The following KYAT1 variants were observed in gnomAD, a reference collection of about 807,000 sequenced individuals.
KYAT1 encodes kynurenine aminotransferase 1.
Under a neutral mutation model 52.4 loss-of-function variants are expected in KYAT1, and 47 were observed. That is an observed-to-expected ratio of 0.90 (90% CI 0.71 to 1.14). KYAT1 has a LOEUF of 1.14. Among genes scored for constraint, KYAT1 ranks in the 50% most tolerant of loss-of-function variants. The pLI is 0.00. For missense variants in KYAT1, 480 were observed against 557.9 expected (o/e 0.86, Z 1.41); for synonymous variants, 212 against 209.6 (o/e 1.01, Z -0.10).
intron 1 of KYAT1, among the ~76,000 whole-genome samples, chr9:128,865,330 TATATATATATATATATATATATA>T (rs1564491454): frequency 0.011 from 27 of 2,462 alleles, 3 homozygotes; most frequent in African/African-American, 0.018. Flanking sequence ...TATATATATA[TATATATATATATATATATATATA>T]TATATATTTT....
At chr9:128,869,607 T>A (rs2094316263) in intron 1 of KYAT1, among the ~76,000 whole-genome samples, 1 of 152,030 alleles carries the variant, frequency 6.6e-6, no homozygotes, top group South Asian at 2.1e-4. Flanking sequence ...ACTTCGAAAA[T>A]TTTTATTGCA....
chr9:128,843,122 G>A (rs144409793), intron 2 of KYAT1, among the ~76,000 whole-genome samples: 4,283 of 152,188 alleles, frequency 0.028, 75 homozygotes, highest in Middle Eastern at 0.075. Flanking sequence ...AGCCGAGATC[G>A]CACCATTGCA....
At chr9:128,861,258 C>T (rs1835428828) in intron 1 of KYAT1, among the ~76,000 whole-genome samples, 1 of 152,148 alleles carries the variant, frequency 6.6e-6, no homozygotes, top group Non-Finnish European at 1.5e-5. Flanking sequence ...CTGGGAGGGA[C>T]CCAGTGGGAG....
chr9:128,835,215 G>T, intron 11 of KYAT1, 108 bp downstream of exon 11: 1 of 870,650 alleles, frequency 1.1e-6, no homozygotes, highest in Non-Finnish European at 2.0e-6. Flanking sequence ...CAAGGTTGAC[G>T]GCAGAGGCTG....
intron 1 of KYAT1, among the ~76,000 whole-genome samples, chr9:128,862,289 C>A (rs180946937): frequency 3.0e-4 from 45 of 152,324 alleles, no homozygotes; most frequent in Non-Finnish European, 5.6e-4. Context: ...ATGTGAGCCA[C>A]TGTACTTGGC....
chr9:128,841,377 C>T (rs1044955040), intron 3 of KYAT1, among the ~76,000 whole-genome samples: 1 of 152,126 alleles, frequency 6.6e-6, no homozygotes, highest in Admixed American at 6.6e-5. Context: ...GTGGCGGGCG[C>T]CTGTAATCCC....
chr9:128,875,245 TTTG>T (rs1367061863), intron 1 of KYAT1, among the ~76,000 whole-genome samples: 8 of 148,480 alleles, frequency 5.4e-5, no homozygotes, highest in Admixed American at 5.4e-4. Flanking sequence ...TTTGTTTTTT[TTTG>T]TTTTTTTTTT....
intron 1 of KYAT1, among the ~76,000 whole-genome samples, chr9:128,845,796 G>C (rs1022499151): frequency 1.6e-4 from 25 of 152,358 alleles, no homozygotes; most frequent in Non-Finnish European, 3.7e-4. Flanking sequence ...AGCGGAGAGG[G>C]AGGATAATGG....
intron 1 of KYAT1, among the ~76,000 whole-genome samples, chr9:128,857,905 A>G (rs1181738080): frequency 2.0e-5 from 3 of 152,174 alleles, no homozygotes; most frequent in Non-Finnish European, 4.4e-5. Context: ...AAGAAAACAT[A>G]GGAATAAATC....
At chr9:128,873,251 C>A (rs1267732337) in intron 1 of KYAT1, among the ~76,000 whole-genome samples, 1 of 151,518 alleles carries the variant, frequency 6.6e-6, no homozygotes, top group Non-Finnish European at 1.5e-5. Flanking sequence ...TGCCTGTAGT[C>A]CCAGGACTTT....
chr9:128,847,511 T>C (rs2119202123), intron 1 of KYAT1: 1 of 1,535,898 alleles, frequency 6.5e-7, no homozygotes, highest in African/African-American at 1.4e-5. Context: ...CAGAGATGGC[T>C]GCTGCAGTCC....
intron 1 of KYAT1, among the ~76,000 whole-genome samples, chr9:128,850,769 A>C (rs535616411): frequency 6.6e-6 from 1 of 152,252 alleles, no homozygotes; most frequent in Admixed American, 6.5e-5. Flanking sequence ...TGAATGTCTC[A>C]GTATAAAACC....
At chr9:128,876,670 C>T (rs1180871212) in intron 1 of KYAT1, among the ~76,000 whole-genome samples, 5 of 150,938 alleles carry the variant, frequency 3.3e-5, no homozygotes, top group East Asian at 1.9e-4. Flanking sequence ...CCGCCTGCCT[C>T]GGCCTCCCAA....
chr9:128,836,940 G>A lies in KYAT1; in HGVS notation c.568-18C>T. On this transcript the variant is annotated intron_variant, in intron 6 of 12. Transcript: ENST00000302586. ...GAGAACACCTGCAGATGCCCAAGGA[G>A]AGCACAGACCTGCAGCTGGGACCGT... 1 of 1,608,400 alleles carries A rather than the reference G, an allele frequency of 6.2e-7. No individual in the cohort carries two copies. The highest frequency in any genetic ancestry group is 8.5e-7 in the Non-Finnish European group (1 of 1,178,664).
At chr9:128,836,760 C>CA in intron 7 of KYAT1, 42 bp downstream of exon 7, 2 of 1,602,536 alleles carry the variant, frequency 1.2e-6, no homozygotes, top group Non-Finnish European at 1.7e-6. Context: ...AAGGCCCTCC[C>CA]ACCAATGTGC....
At position 128,851,926 on chromosome 9, in the gene KYAT1, C is replaced by T. The variant is rs1366669828; in HGVS notation, c.-6-6515G>A. ...CCACAATGGCCACCTCCTCCTCAGC[C>T]GAGTGAGTGCTGGGGGAGGCAGCCT... On this transcript the variant is annotated intron_variant, in intron 1 of 12. Coordinates refer to ENST00000302586, the MANE Select transcript of KYAT1 (RefSeq NM_004059.5). 2.6e-5 allele frequency among the ~76,000 whole-genome samples: 4 copies of T among 152,270 alleles called. No individual in the cohort carries two copies. In the East Asian group the frequency reaches 7.7e-4, roughly 29 times the overall value.
intron 1 of KYAT1, among the ~76,000 whole-genome samples, chr9:128,869,560 G>A (rs763552845): frequency 5.3e-5 from 8 of 152,250 alleles, no homozygotes; most frequent in Non-Finnish European, 1.0e-4. Context: ...GTTTCACCTC[G>A]TTCCATCTAC....
chr9:128,843,415 A>G (rs1276640677), intron 2 of KYAT1, among the ~76,000 whole-genome samples: 1 of 145,664 alleles, frequency 6.9e-6, no homozygotes, highest in African/African-American at 2.6e-5. Flanking sequence ...GTTTCGCTCT[A>G]TCCCCTAGGC....
At chr9:128,873,572 G>C (rs1391494537) in intron 1 of KYAT1, among the ~76,000 whole-genome samples, 1 of 151,908 alleles carries the variant, frequency 6.6e-6, no homozygotes, top group East Asian at 1.9e-4. Flanking sequence ...AGGAGTTTGA[G>C]ACCAGGCTGG....
Sources: gnomAD v4.1 joint callset for allele counts (sites outside exome capture counted in the v4.1 genomes callset) on GRCh38, gnomAD v4.1.1 for gene constraint, MANE v1.5 for transcripts, NCBI Gene and HGNC (gene_info 2026-07-23, HGNC 2026-07-21) for gene names.